Variants in FTH1 observed in about 807,000 individuals in gnomAD.
FTH1 encodes the protein ferritin heavy chain.
Under a neutral mutation model 21.8 loss-of-function variants are expected in FTH1, and 3 were observed. That is an observed-to-expected ratio of 0.14 (90% CI 0.06 to 0.36). The LOEUF is 0.36. FTH1 is among the 10% of genes least tolerant of loss of function. FTH1 has a pLI of 1.00. For synonymous variants in FTH1, 83 were observed against 90.1 expected (o/e 0.92, Z 0.45); for missense variants, 147 against 225.8 (o/e 0.65, Z 2.24).
rs531158108 is a variant in FTH1, at chr11:61,966,070, C to T, written c.115-555G>A. On this transcript the variant is annotated intron_variant, in intron 1 of 3. Transcript: ENST00000273550. Reference sequence around the variant, plus strand: ...CAGGCGGATCACGAGGTCAGCAGATCGAGACCATCCTGGTCAACATGGTGA... The same window carrying T: ...CAGGCGGATCACGAGGTCAGCAGATTGAGACCATCCTGGTCAACATGGTGA... 3.3e-5 allele frequency among the ~76,000 whole-genome samples: 5 copies of T among 152,238 alleles called. No individual in the cohort carries two copies. The South Asian group carries it at 1.0e-3, about 32-fold the overall frequency.
intron 1 of FTH1, among the ~76,000 whole-genome samples, chr11:61,966,806 C>A (rs1205892500): frequency 6.6e-6 from 1 of 152,128 alleles, no homozygotes; most frequent in Admixed American, 6.6e-5. Flanking sequence ...TACGGCTGCT[C>A]GAGAGGGATC....
In FTH1 at chr11:61,965,521, A is replaced by AG. The variant is rs1035336576; in HGVS notation, c.115-7dup. ...TCGCGGTCAAAGTAGTAAGACTGAA[A>AG]GGGGAACACTGAATGTGTTATACTA... On this transcript the variant is annotated splice_region_variant and splice_polypyrimidine_tract_variant and intron_variant, in intron 1 of 3. Transcript: ENST00000273550. 1 of 1,600,238 alleles carries AG rather than the reference A, an allele frequency of 6.2e-7. No homozygotes were observed. Among genetic ancestry groups the AG allele is most frequent in the African/African-American group, 1.3e-5 (1 of 74,914 alleles).
Position 61,967,348 on chromosome 11 carries a change from G to A in FTH1, c.78C>T (p.Asn26=), listed in dbSNP as rs1361726841. 6 of 1,606,774 alleles carry A rather than the reference G, an allele frequency of 3.7e-6. No homozygotes were observed. The highest frequency in any genetic ancestry group is 2.2e-5 in the East Asian group (1 of 44,606). The change falls in exon 1 of 4, where the codon AAC becomes AAT. Residue 26 remains asparagine (N), a synonymous_variant. Transcript: ENST00000273550. ...AAACGTAGGAGGCGTAGAGCTCCAG[G>A]TTGATCTGGCGGTTGATGGCGGCCT... ...DSEAAINRQI[N]LELYASYVYL...
Position 61,964,404 on chromosome 11 carries a change from C to A in FTH1, c.*323G>T, listed in dbSNP as rs1366033592. On this transcript the variant is annotated 3_prime_UTR_variant, in exon 4 of 4. Coordinates refer to ENST00000273550, the MANE Select transcript of FTH1 (RefSeq NM_002032.3). ...CCCTTAGTTCTATCTGAATCCAAGACAGCCACACCTTAGTATACTGCCCAA... is the reference window on the plus strand; with the variant it reads ...CCCTTAGTTCTATCTGAATCCAAGAAAGCCACACCTTAGTATACTGCCCAA... 2 of 637,596 alleles carry A rather than the reference C, an allele frequency of 3.1e-6. No homozygotes were observed. The highest frequency in any genetic ancestry group is 5.5e-5 in the East Asian group (2 of 36,154). The allele number at this position is 637,596 out of a possible 1,614,324, so 39.5% of individuals were successfully genotyped here.
At position 61,967,556 on chromosome 11, in the gene FTH1, G is replaced by A. The variant is rs1344769092; in HGVS notation, c.-131C>T. ...GGCTGGCTATGGGCGGCCGGCCGGG[G>A]TGGGGAACGAGCGCCGGGTTCCGTC... is the stretch of plus-strand genomic sequence containing the variant. On this transcript the variant is annotated 5_prime_UTR_variant, in exon 1 of 4. Transcript: ENST00000273550. 3 of 737,188 alleles carry A rather than the reference G, an allele frequency of 4.1e-6. No homozygotes were observed. The highest frequency in any genetic ancestry group is 4.7e-6 in the Non-Finnish European group (2 of 422,348). 45.7% of individuals were successfully genotyped at this position (737,188 alleles called of 1,614,324 possible).
chr11:61,965,576 A>C, intron 1 of FTH1, 61 bp from the exon 2 acceptor site: 1 of 1,579,280 alleles, frequency 6.3e-7, no homozygotes, highest in Non-Finnish European at 8.6e-7. Context: ...AGCTGTGACG[A>C]TCTACAGGGA....
Position 61,964,569 on chromosome 11 carries a change from T to C in FTH1, c.*158A>G. On this transcript the variant is annotated 3_prime_UTR_variant, in exon 4 of 4. Coordinates refer to ENST00000273550, the MANE Select transcript of FTH1 (RefSeq NM_002032.3). ...CAAGACCTCAAAGACAACACCTGGG[T>C]ACCAAATTTCTTTATTTGAAGGAAT... The C allele has an allele frequency of 2.4e-6, 2 of 845,746 alleles. No homozygotes were observed. Among genetic ancestry groups the C allele is most frequent in the Non-Finnish European group, 3.8e-6 (2 of 531,636 alleles). The allele number at this position is 845,746 out of a possible 1,614,324, so 52.4% of individuals were successfully genotyped here.
intron 1 of FTH1, among the ~76,000 whole-genome samples, chr11:61,966,206 G>A (rs975147915): frequency 6.6e-6 from 1 of 152,118 alleles, no homozygotes; most frequent in African/African-American, 2.4e-5. Context: ...CCCAGGAGGC[G>A]GAGGCTGCAG....
Position 61,964,673 on chromosome 11 carries a change from T to C in FTH1, c.*54A>G. The C allele has an allele frequency of 6.3e-7, 1 of 1,579,372 alleles. No homozygotes were observed. The highest frequency in any genetic ancestry group is 1.1e-5 in the South Asian group (1 of 90,636). On this transcript the variant is annotated 3_prime_UTR_variant, in exon 4 of 4. Transcript: ENST00000273550. ...AAAGGAAACCCCAACATGCATGCAC[T>C]GCCTTGGTGACCAGGGAAGTCACCC...
Position 61,964,664 on chromosome 11 carries a change from T to C in FTH1, c.*63A>G. 6.5e-7 allele frequency: 1 copy of C among 1,534,194 alleles called. No homozygotes were observed. The highest frequency in any genetic ancestry group is 8.9e-7 in the Non-Finnish European group (1 of 1,122,096). The stretch of plus-strand genomic sequence containing the variant: ...AGAAAAGGTAAAGGAAACCCCAACA[T>C]GCATGCACTGCCTTGGTGACCAGGG... On this transcript the variant is annotated 3_prime_UTR_variant, in exon 4 of 4. Coordinates refer to ENST00000273550, the MANE Select transcript of FTH1 (RefSeq NM_002032.3).
intron 1 of FTH1, 101 bp downstream of exon 1, chr11:61,967,211 G>A (rs1191453556): frequency 3.5e-6 from 2 of 564,042 alleles, no homozygotes; most frequent in Non-Finnish European, 5.8e-6. Context: ...GGCGCAGGGA[G>A]GCGGGAGAGC....
chr11:61,965,234 T>C, intron 2 of FTH1, 122 bp from the exon 3 acceptor site: 1 of 1,592,604 alleles, frequency 6.3e-7, no homozygotes, highest in African/African-American at 1.3e-5. Flanking sequence ...GTTTAGATGG[T>C]AAGCCTAAAA....
intron 1 of FTH1, among the ~76,000 whole-genome samples, chr11:61,966,191 T>C (rs1018421870): frequency 2.0e-5 from 3 of 152,078 alleles, no homozygotes; most frequent in African/African-American, 7.2e-5. Context: ...AGAGAATCAC[T>C]TGAACCCAGG....
At position 61,967,568 on chromosome 11, in the gene FTH1, C is replaced by T. The variant is rs1245853558; in HGVS notation, c.-143G>A. On this transcript the variant is annotated 5_prime_UTR_variant, in exon 1 of 4. Coordinates refer to ENST00000273550, the MANE Select transcript of FTH1 (RefSeq NM_002032.3). ...GCGGCCGGCCGGGGTGGGGAACGAG[C>T]GCCGGGTTCCGTCCAAGCACTGTTG... 1.9e-5 allele frequency: 13 copies of T among 701,328 alleles called. No homozygotes were observed. The highest frequency in any genetic ancestry group is 3.3e-5 in the Non-Finnish European group (13 of 390,248). The allele number at this position is 701,328 out of a possible 1,614,324, so 43.4% of individuals were successfully genotyped here. A position where few individuals can be genotyped will look rare whatever the true frequency, so the allele number is the denominator to read the frequency against.
chr11:61,964,358 C>T lies in FTH1; in HGVS notation c.*369G>A, dbSNP rs1942379538. 2.4e-6 allele frequency: 2 copies of T among 829,432 alleles called. No individual in the cohort carries two copies. Among genetic ancestry groups the T allele is most frequent in the Non-Finnish European group, 3.7e-6 (2 of 546,512 alleles). 51.4% of individuals were successfully genotyped at this position (829,432 alleles called of 1,614,324 possible). On this transcript the variant is annotated 3_prime_UTR_variant, in exon 4 of 4. Coordinates refer to ENST00000273550, the MANE Select transcript of FTH1 (RefSeq NM_002032.3). The stretch of plus-strand genomic sequence containing the variant: ...AACCATTGGAAACATTTAACTCAGA[C>T]TCTGGATTCAGAGTCGGGAACCCTT...
At chr11:61,966,065 C>G (rs1042966429) in intron 1 of FTH1, among the ~76,000 whole-genome samples, 4 of 152,092 alleles carry the variant, frequency 2.6e-5, no homozygotes, top group African/African-American at 9.7e-5. Flanking sequence ...ACGAGGTCAG[C>G]AGATCGAGAC....
intron 1 of FTH1, 144 bp from the exon 2 acceptor site, chr11:61,965,659 T>G (rs1942438550): frequency 2.4e-6 from 2 of 839,400 alleles, no homozygotes; most frequent in African/African-American, 3.3e-5. Flanking sequence ...CTAAGGAGAC[T>G]GGGGGGCAGA....
intron 2 of FTH1, 108 bp from the exon 3 acceptor site, chr11:61,965,220 T>C (rs1255776189): frequency 3.3e-5 from 53 of 1,592,156 alleles, no homozygotes; most frequent in Non-Finnish European, 4.4e-5. Flanking sequence ...ATTTGCCTAA[T>C]TTAGTTTAGA....
chr11:61,967,290 G>C, intron 1 of FTH1, 22 bp downstream of exon 1: 1 of 1,513,620 alleles, frequency 6.6e-7, no homozygotes, highest in Non-Finnish European at 9.0e-7. Flanking sequence ...CCCCGCCACC[G>C]CTTAGGCCCG....
Sources: gnomAD v4.1 joint callset for allele counts (sites outside exome capture counted in the v4.1 genomes callset) on GRCh38, gnomAD v4.1.1 for gene constraint, MANE v1.5 for transcripts, NCBI Gene and HGNC (gene_info 2026-07-23, HGNC 2026-07-21) for gene names.